Variants in TTN observed in about 807,000 individuals in gnomAD.
The protein encoded by TTN is titin.
In TTN, 1,525 loss-of-function variants were observed where a neutral mutation model predicts 3,223.0. The ratio of observed to expected loss-of-function variants is 0.47; its 90% confidence interval spans 0.45 to 0.49. The LOEUF is 0.49. TTN is among the 20% of genes least tolerant of loss of function. The probability of loss-of-function intolerance (pLI) is 0.00; values close to 1 mark genes in which losing one functional copy is unlikely to be tolerated. For synonymous variants in TTN, 14,094 were observed against 15,161.0 expected (o/e 0.93, Z 5.17); for missense variants, 40,786 against 43,424.0 (o/e 0.94, Z 5.40).
rs757057052 is a variant in TTN, at chr2:178,597,719, A to T, written c.57363T>A (p.Pro19121=). ...CATTCATGTTCCAGGTGACGGTTGG[A>T]GGAGGCTTTCCAGACACATAGGCAA... ...RIIAYVSGKP[P]PTVTWNMNER... The change falls in exon 294 of 363, where the codon CCT becomes CCA. Residue 19121 remains proline (P), a synonymous_variant. Transcript: ENST00000589042. 1.9e-6 allele frequency: 3 copies of T among 1,613,154 alleles called. No homozygotes were observed. The African/African-American group carries it at 4.0e-5, about 22-fold the overall frequency.
rs1224434103 is a variant in TTN at position 178,598,985 on chromosome 2, C to T, written c.56725G>A (p.Glu18909Lys). 3.7e-6 allele frequency: 6 copies of T among 1,611,732 alleles called. No individual in the cohort carries two copies. Among genetic ancestry groups the T allele is most frequent in the Non-Finnish European group, 5.1e-6 (6 of 1,178,930 alleles). ...NSMTVNWEEPEYDGGSPVTGY... is the reference protein window; with the variant it reads ...NSMTVNWEEPKYDGGSPVTGY... ...GTCACAGGAGAGCCTCCATCATATT[C>T]TGGCTCTTCCCAGTTGACAGTCATG... The change falls in exon 291 of 363, where the codon GAA (glutamate) becomes AAA (lysine). Residue 18909 changes from glutamate to lysine, a missense_variant. By Grantham distance (56) the Glu-to-Lys change is moderately conservative. Coordinates refer to ENST00000589042, the MANE Select transcript of TTN (RefSeq NM_001267550.2).
intron 1 of TTN, among the ~76,000 whole-genome samples, chr2:178,806,538 T>C (rs2094328308): frequency 6.6e-6 from 1 of 152,242 alleles, no homozygotes; most frequent in South Asian, 2.1e-4. Flanking sequence ...AAAACAATTA[T>C]ATCATTTTAT....
Position 178,782,395 on chromosome 2 carries a change from T to A in TTN, c.3197A>T (p.Asp1066Val), listed in dbSNP as rs886055305. The change falls in exon 20 of 363, where the codon GAT becomes GTT. Residue 1066 changes from aspartate to valine, a missense_variant. Physicochemically the swap from Asp to Val is radical, Grantham distance 152. Coordinates refer to ENST00000589042, the MANE Select transcript of TTN (RefSeq NM_001267550.2). Reference sequence around the variant, plus strand: ...TGCTTGTTCCTCTGTGAGGCTAGTATCAGTCATAACCACATCTCTTGACTC... The same window carrying A: ...TGCTTGTTCCTCTGTGAGGCTAGTAACAGTCATAACCACATCTCTTGACTC... The part of the protein sequence containing the change: ...FVESRDVVMT[D>V]TSLTEEQAGP... 3 of 1,614,096 alleles carry A rather than the reference T, an allele frequency of 1.9e-6. No homozygotes were observed. The highest frequency in any genetic ancestry group is 1.1e-5 in the South Asian group (1 of 91,082).
At position 178,653,302 on chromosome 2, in the gene TTN, T is replaced by G. The variant is rs750789099; in HGVS notation, c.38727A>C (p.Glu12909Asp). The change falls in exon 198 of 363, where the codon GAA becomes GAC. Residue 12909 changes from glutamate to aspartate, a missense_variant. Coordinates refer to ENST00000589042, the MANE Select transcript of TTN (RefSeq NM_001267550.2). ...PPVTVPEAPK[E>D]VVLEKKVPLA... ...AGGGCACTTTCTTTTCAAGGACAACTTCTTTGGGAGCCTCTGGCACTTAAA... is the reference window on the plus strand; with the variant it reads ...AGGGCACTTTCTTTTCAAGGACAACGTCTTTGGGAGCCTCTGGCACTTAAA... 1 of 1,611,186 alleles carries G rather than the reference T, an allele frequency of 6.2e-7. No homozygotes were observed. The highest frequency in any genetic ancestry group is 1.3e-5 in the African/African-American group (1 of 74,558).
intron 238 of TTN, 25 bp downstream of exon 238, chr2:178,630,779 T>C (rs775588626): frequency 1.2e-6 from 2 of 1,600,784 alleles, no homozygotes; most frequent in Non-Finnish European, 1.7e-6. Context: ...CCTTTAGGTG[T>C]TGACAAGTTC....
In TTN at chr2:178,547,691, A is replaced by G; in HGVS notation, c.93935T>C (p.Val31312Ala). 1 of 1,613,922 alleles carries G rather than the reference A, an allele frequency of 6.2e-7. No homozygotes were observed. Among genetic ancestry groups the G allele is most frequent in the Non-Finnish European group, 8.5e-7 (1 of 1,179,826 alleles). ...AGATGAGACCTCAATGGGGCCGGTT[A>G]CTGGACCTGGCCTTCCAATGACCAC... ...TVVVIGRPGP[V>A]TGPIEVSSVS... The change falls in exon 339 of 363, where the codon GTA (valine) becomes GCA (alanine). Residue 31312 changes from valine to alanine, a missense_variant. Val to Ala is a moderately conservative substitution (Grantham distance 64). Transcript: ENST00000589042.
At position 178,775,506 on chromosome 2, in the gene TTN, G is replaced by A. The variant is rs116158152; in HGVS notation, c.6358C>T (p.Arg2120Trp). The A allele has an allele frequency of 1.1e-5, 18 of 1,613,920 alleles. No individual in the cohort carries two copies. Among genetic ancestry groups the A allele is most frequent in the Non-Finnish European group, 1.3e-5 (15 of 1,179,962 alleles). ...EWYKNGVKIE[R>W]SDRIYWYWPE... The stretch of plus-strand genomic sequence containing the variant: ...CAGTACCAGTAGATCCGGTCAGACC[G>A]TTCAATTTTGACACCATTTTTGTAC... Residue 2120 changes from arginine (R) to tryptophan (W), a missense_variant, in exon 28 of 363, where the codon CGG (arginine) becomes TGG (tryptophan). Physicochemically the swap from Arg to Trp is moderately radical, Grantham distance 101. Coordinates refer to ENST00000589042, the MANE Select transcript of TTN (RefSeq NM_001267550.2).
At chr2:178,699,940 C>T (rs2074656789) in intron 111 of TTN, among the ~76,000 whole-genome samples, 1 of 151,480 alleles carries the variant, frequency 6.6e-6, no homozygotes, top group South Asian at 2.1e-4. Context: ...TGGTCTCGAT[C>T]TCCTGACCTC....
Position 178,709,655 on chromosome 2 carries a change from T to G in TTN, c.28664A>C (p.Lys9555Thr), listed in dbSNP as rs760060633. The change falls in exon 99 of 363, where the codon AAA becomes ACA. Residue 9555 changes from lysine to threonine, a missense_variant. Lys to Thr is a moderately conservative substitution (Grantham distance 78, BLOSUM62 -1). Transcript: ENST00000589042. ...CAAACCAGCGTCGTTCATGCCTGCT[T>G]TCCTGACTTGCAGCACTAACGTGTT... ...KNNTLVLQVR[K>T]AGMNDAGLYT... 6.2e-7 allele frequency: 1 copy of G among 1,613,928 alleles called. No individual in the cohort carries two copies. The highest frequency in any genetic ancestry group is 1.1e-5 in the South Asian group (1 of 91,082).
intron 127 of TTN, among the ~76,000 whole-genome samples, chr2:178,686,024 T>C (rs2070756746): frequency 6.6e-6 from 1 of 152,080 alleles, no homozygotes; most frequent in Non-Finnish European, 1.5e-5. Flanking sequence ...ATATTCCATA[T>C]TGTTTTCCCC....
Position 178,776,378 on chromosome 2 carries a change from GTA to G in TTN, c.5484_5485del (p.Thr1829ArgfsTer22). 1 of 1,613,102 alleles carries G rather than the reference GTA, an allele frequency of 6.2e-7. No individual in the cohort carries two copies. The highest frequency in any genetic ancestry group is 8.5e-7 in the Non-Finnish European group (1 of 1,179,968). On this transcript the variant is annotated frameshift_variant, in exon 28 of 363. Transcript: ENST00000589042. LOFTEE classifies it high-confidence loss of function. Reference sequence around the variant, plus strand: ...TTCTTTCTGATCTGTTGTTACACCTGTAAGTGCACCTTCATGAGCCATTCTCT... The same window carrying G: ...TTCTTTCTGATCTGTTGTTACACCTGAGTGCACCTTCATGAGCCATTCTCT...
Position 178,773,739 on chromosome 2 carries a change from C to G in TTN, c.7331-14G>C. Reference sequence around the variant, plus strand: ...TCACGTCCACACCTGCAAAATCATACACACACAAGATGAATGAATTTTGTT... The same window carrying G: ...TCACGTCCACACCTGCAAAATCATAGACACACAAGATGAATGAATTTTGTT... On this transcript the variant is annotated splice_polypyrimidine_tract_variant and intron_variant, in intron 31 of 362. Coordinates refer to ENST00000589042, the MANE Select transcript of TTN (RefSeq NM_001267550.2). The G allele has an allele frequency of 6.2e-7, 1 of 1,614,058 alleles. No individual in the cohort carries two copies. Among genetic ancestry groups the G allele is most frequent in the Non-Finnish European group, 8.5e-7 (1 of 1,179,960 alleles).
intron 121 of TTN, among the ~76,000 whole-genome samples, chr2:178,690,699 G>C (rs1361291848): frequency 6.6e-6 from 1 of 152,152 alleles, no homozygotes; most frequent in East Asian, 1.9e-4. Flanking sequence ...GTGAATCCCT[G>C]CACCTCTGCA....
Position 178,651,047 on chromosome 2 carries a change from A to G in TTN, c.39625+196T>C, listed in dbSNP as rs1429094. ...AGAACCAAGTTAGTAAACTTTTCCA[A>G]TGCTTGTAATAAGTAAATATATCAC... On this transcript the variant is annotated intron_variant, in intron 208 of 362. Transcript: ENST00000589042. 0.18 allele frequency among the ~76,000 whole-genome samples: 26,626 copies of G among 152,072 alleles called. 2,723 individuals carry two copies. The highest frequency in any genetic ancestry group is 0.45 in the East Asian group (2,344 of 5,156).
intron 151 of TTN, among the ~76,000 whole-genome samples, chr2:178,673,911 C>T (rs1488233155): frequency 6.6e-6 from 1 of 151,434 alleles, no homozygotes; most frequent in South Asian, 2.1e-4. Context: ...AATGTAATAC[C>T]AATTATGCAA....
Position 178,534,749 on chromosome 2 carries a change from T to C in TTN, c.101866A>G (p.Lys33956Glu). Residue 33956 changes from lysine to glutamate, a missense_variant, in exon 358 of 363, where the codon AAA becomes GAA. Coordinates refer to ENST00000589042, the MANE Select transcript of TTN (RefSeq NM_001267550.2). ...IYQTRRSSTIKIIEFGQARQL... is the reference protein window; with the variant it reads ...IYQTRRSSTIEIIEFGQARQL... ...CGGGCTTGACCAAATTCTATGATTT[T>C]AATGGTAGAGCTTCTTCTGGTTTGG... is the stretch of plus-strand genomic sequence containing the variant. 1 of 1,613,854 alleles carries C rather than the reference T, an allele frequency of 6.2e-7. No homozygotes were observed. Among genetic ancestry groups the C allele is most frequent in the Non-Finnish European group, 8.5e-7 (1 of 1,179,798 alleles).
chr2:178,548,856 C>T lies in TTN; in HGVS notation c.92770G>A (p.Glu30924Lys), dbSNP rs1382207664. ...TTGAAGTTTGCATCTATGTCTAACT[C>T]AGGAGCTGTTAACCGGTCAACTGCT... ...IKAVDRLTAP[E>K]LDIDANFKQT... Residue 30924 changes from glutamate to lysine, a missense_variant, in exon 339 of 363, where the codon GAG becomes AAG. Physicochemically the swap from Glu to Lys is moderately conservative, Grantham distance 56 (BLOSUM62 1). Transcript: ENST00000589042. The surrounding 1 kb of genome is among the most constrained non-coding windows in gnomAD (Gnocchi z 4.3). 6.2e-7 allele frequency: 1 copy of T among 1,613,570 alleles called. No individual in the cohort carries two copies. Among genetic ancestry groups the T allele is most frequent in the East Asian group, 2.2e-5 (1 of 44,842 alleles).
At chr2:178,543,685 C>T (rs1185781673) in intron 346 of TTN, 23 bp from the exon 347 acceptor site, 1 of 1,549,184 alleles carries the variant, frequency 6.5e-7, no homozygotes, top group Non-Finnish European at 8.7e-7. Flanking sequence ...ATGAAAGATT[C>T]ATATTTCCTA....
At chr2:178,649,971 A>G in intron 210 of TTN, 77 bp from the exon 211 acceptor site, 1 of 1,505,816 alleles carries the variant, frequency 6.6e-7, no homozygotes, top group Non-Finnish European at 9.1e-7. Context: ...ATTAAAAACC[A>G]CACATATTTC....
Sources: allele counts gnomAD v4.1 joint callset (sites outside exome capture counted in the v4.1 genomes callset), GRCh38; gene constraint gnomAD v4.1.1; non-coding constraint Gnocchi (gnomAD v3.1); transcripts MANE v1.5; gene names NCBI Gene and HGNC (gene_info 2026-07-23, HGNC 2026-07-21).